The following FAM3B variants were observed in gnomAD, a reference collection of about 807,000 sequenced individuals.
FAM3B encodes FAM3 metabolism regulating signaling molecule B, also known as protein FAM3B.
A neutral mutation model predicts 28.4 loss-of-function variants in FAM3B; 29 were observed. The observed-to-expected ratio is 1.02, with a 90% CI of 0.76 to 1.39. FAM3B has a LOEUF of 1.39. FAM3B is among the 40% of genes most tolerant of loss of function. The pLI, the probability that FAM3B is intolerant of heterozygous loss-of-function variation, is 0.00. For synonymous variants in FAM3B, 91 were observed against 103.0 expected (o/e 0.88, Z 0.71); for missense variants, 266 against 293.9 (o/e 0.91, Z 0.69).
chr21:41,344,130 T>C (rs995816112), intron 3 of FAM3B, among the ~76,000 whole-genome samples: 1 of 152,164 alleles, frequency 6.6e-6, no homozygotes, highest in African/African-American at 2.4e-5. Context: ...AATAAATAAA[T>C]AGATAATAAA....
chr21:41,308,781 C>T (rs965968098), intron 1 of FAM3B, among the ~76,000 whole-genome samples: 4 of 152,080 alleles, frequency 2.6e-5, no homozygotes, highest in South Asian at 2.1e-4. Flanking sequence ...TTAGGTGATC[C>T]GCCTGCCTCG....
chr21:41,348,175 T>A (rs2089081526), intron 6 of FAM3B, among the ~76,000 whole-genome samples: 1 of 152,230 alleles, frequency 6.6e-6, no homozygotes, highest in Non-Finnish European at 1.5e-5. Context: ...TGGACTTTTC[T>A]GATTATGAAA....
At chr21:41,312,943 G>C (rs1260006030), upstream of FAM3B, among the ~76,000 whole-genome samples, 1 of 152,190 alleles carries the variant, frequency 6.6e-6, no homozygotes, top group Non-Finnish European at 1.5e-5. Context: ...TTCAAGGAAG[G>C]GCAGGGCAGA....
At chr21:41,340,524 C>T (rs2088996454) in intron 3 of FAM3B, among the ~76,000 whole-genome samples, 1 of 152,124 alleles carries the variant, frequency 6.6e-6, no homozygotes, top group Non-Finnish European at 1.5e-5. Flanking sequence ...GGGCAGAGTC[C>T]TCATGGCCTA....
intron 3 of FAM3B, among the ~76,000 whole-genome samples, chr21:41,341,200 A>ATGTG (rs775174913): frequency 1.3e-5 from 2 of 152,066 alleles, no homozygotes; most frequent in Non-Finnish European, 2.9e-5. Flanking sequence ...TTTTATTGAT[A>ATGTG]TGTGGTATTC....
chr21:41,313,960 G>T (rs1311067153), upstream of FAM3B, among the ~76,000 whole-genome samples: 4 of 152,122 alleles, frequency 2.6e-5, no homozygotes, highest in African/African-American at 4.8e-5. Flanking sequence ...TTTTCTCTAG[G>T]ATCTAGCTGC....
intron 3 of FAM3B, among the ~76,000 whole-genome samples, chr21:41,339,846 A>T (rs1030452387): frequency 7.2e-5 from 11 of 152,034 alleles, no homozygotes; most frequent in African/African-American, 2.7e-4. Context: ...GAGTGGATTT[A>T]TTTATTAGAG....
At chr21:41,315,028 G>GA (rs2088738199), upstream of FAM3B, among the ~76,000 whole-genome samples, 1 of 152,136 alleles carries the variant, frequency 6.6e-6, no homozygotes, top group Admixed American at 6.6e-5. Flanking sequence ...AGAGGCAGAA[G>GA]AAACCCAAGT....
intron 3 of FAM3B, among the ~76,000 whole-genome samples, chr21:41,340,970 A>G (rs2089001541): frequency 1.3e-5 from 2 of 152,136 alleles, no homozygotes; most frequent in African/African-American, 4.8e-5. Context: ...AGGTATATAT[A>G]TGCATGTATA....
intron 7 of FAM3B, among the ~76,000 whole-genome samples, chr21:41,353,499 A>AAT (rs2089139411): frequency 6.6e-6 from 1 of 152,254 alleles, no homozygotes; most frequent in South Asian, 2.1e-4. Context: ...GCAGATGTGC[A>AAT]TGTTCTCACA....
At position 41,330,151 on chromosome 21, in the gene FAM3B, A is replaced by T. The variant is rs201436007; in HGVS notation, c.163+7085A>T. ...CTGTATAGGAAAAAAAAAAAAAAAA[A>T]CATAATACAGGTACAGCATCCCAAA... is the stretch of plus-strand genomic sequence containing the variant. On this transcript the variant is annotated intron_variant, in intron 2 of 7. Transcript: ENST00000357985. Among the ~76,000 whole-genome samples the T allele has an allele frequency of 3.8e-3, 565 of 150,540 alleles. 2 individuals are homozygous for T. Among genetic ancestry groups the T allele is most frequent in the East Asian group, 0.021 (108 of 5,162 alleles).
chr21:41,311,209 G>T (rs1242864872), intron 1 of FAM3B, among the ~76,000 whole-genome samples: 1 of 117,696 alleles, frequency 8.5e-6, no homozygotes, highest in Non-Finnish European at 1.7e-5. Flanking sequence ...TGAAAGTGAG[G>T]AGCAACATGA....
At chr21:41,348,077 A>G (rs2089080612) in intron 6 of FAM3B, among the ~76,000 whole-genome samples, 1 of 152,228 alleles carries the variant, frequency 6.6e-6, no homozygotes, top group East Asian at 1.9e-4. Flanking sequence ...TTAACTGTTT[A>G]CTTTCCTGTC....
chr21:41,357,389 G>T lies in FAM3B; in HGVS notation c.*192G>T. 4.8e-6 allele frequency: 2 copies of T among 412,878 alleles called. No individual in the cohort carries two copies. The highest frequency in any genetic ancestry group is 4.2e-5 in the Admixed American group (1 of 23,754). The allele number at this position is 412,878 out of a possible 1,614,324, so 25.6% of individuals were successfully genotyped here. On this transcript the variant is annotated 3_prime_UTR_variant, in exon 8 of 8. Transcript: ENST00000357985. ...TTATACCAGTATTTTATGTAGTGAA[G>T]ATGTCAATTAGCAGGAAACTAAAAT...
At chr21:41,350,670 G>A (rs2089110442) in intron 7 of FAM3B, among the ~76,000 whole-genome samples, 1 of 152,234 alleles carries the variant, frequency 6.6e-6, no homozygotes. Flanking sequence ...TTCTCAGAGG[G>A]TGGGGCCTGG....
intron 2 of FAM3B, among the ~76,000 whole-genome samples, chr21:41,325,679 T>C (rs996313826): frequency 2.2e-4 from 34 of 152,220 alleles, no homozygotes; most frequent in Admixed American, 2.0e-4. Flanking sequence ...ACGGTCACTA[T>C]GGTTTCTTTT....
intron 2 of FAM3B, among the ~76,000 whole-genome samples, chr21:41,329,781 G>A (rs562878440): frequency 6.6e-6 from 1 of 152,072 alleles, no homozygotes; most frequent in Non-Finnish European, 1.5e-5. Context: ...TGTTGGCCAG[G>A]CTGGTCTCGA....
At chr21:41,320,893 T>C (rs1188713858) in intron 1 of FAM3B, 1 of 152,236 alleles carries the variant, frequency 6.6e-6, no homozygotes, top group African/African-American at 2.4e-5. Context: ...CGTTTTCTTC[T>C]CTGTCGTGTC....
At chr21:41,325,163 T>C (rs1339959233) in intron 2 of FAM3B, among the ~76,000 whole-genome samples, 2 of 152,126 alleles carry the variant, frequency 1.3e-5, no homozygotes, top group African/African-American at 4.8e-5. Context: ...CAACTCCAAT[T>C]GGGAAGGGGT....
Sources: gnomAD v4.1 joint callset for allele counts (sites outside exome capture counted in the v4.1 genomes callset) on GRCh38, gnomAD v4.1.1 for gene constraint, MANE v1.5 for transcripts, NCBI Gene and HGNC (gene_info 2026-07-23, HGNC 2026-07-21) for gene names.